MAGI1: variants seen among roughly 807,000 people sequenced by gnomAD.
MAGI1 encodes the protein membrane-associated guanylate kinase, WW and PDZ domain-containing protein 1.
MAGI1 carries 58 observed loss-of-function variants against 139.9 expected under a neutral mutation model. The observed-to-expected ratio is 0.41, with a 90% CI of 0.34 to 0.52. MAGI1 has a LOEUF of 0.52. MAGI1 is among the 20% of genes least tolerant of loss of function. MAGI1 has a pLI of 0.12. For missense variants in MAGI1, 1,874 were observed against 1,901.6 expected, an observed-to-expected ratio of 0.99 and a Z score of 0.27; for synonymous variants, 812 against 737.9, an observed-to-expected ratio of 1.10 and a Z score of -1.63.
intron 5 of MAGI1, among the ~76,000 whole-genome samples, chr3:65,459,713 A>G (rs552406479): frequency 6.6e-6 from 1 of 152,266 alleles, no homozygotes; most frequent in East Asian, 1.9e-4. Flanking sequence ...TCTTGAGCCC[A>G]GGAGTTGGAG....
Position 65,453,012 on chromosome 3 carries a change from TTC to T in MAGI1, c.1042+244_1042+245del, listed in dbSNP as rs1341525442. 15 of 455,928 alleles carry T rather than the reference TTC, an allele frequency of 3.3e-5. No homozygotes were observed. In the Admixed American group the frequency reaches 4.4e-4, roughly 13 times the overall value. The allele number at this position is 455,928 out of a possible 1,614,324, so 28.2% of individuals were successfully genotyped here. A position where few individuals can be genotyped will look rare whatever the true frequency, so the allele number is the denominator to read the frequency against. On this transcript the variant is annotated intron_variant, in intron 6 of 22. Coordinates refer to ENST00000402939, the MANE Select transcript of MAGI1 (RefSeq NM_001033057.2). ...GAGGACGTATCTTCATTTGAACAGT[TTC>T]TGACTGTTCTGCTTCTAATGGAGAT... is the stretch of plus-strand genomic sequence containing the variant.
chr3:65,686,347 A>C (rs1476899509), intron 1 of MAGI1, among the ~76,000 whole-genome samples: 3 of 152,090 alleles, frequency 2.0e-5, no homozygotes, highest in Non-Finnish European at 4.4e-5. Context: ...GCTGGAGTGC[A>C]GTGGCACGAT....
rs960028348 is a variant in MAGI1, at chr3:65,842,976, C to CA, written c.313+195019dup. Reference sequence around the variant, plus strand: ...GAAAACTGAAAAATGTCTCCCCTACCAAAAAATCTCTGTCCCTTCTTACAC... The same window carrying CA: ...GAAAACTGAAAAATGTCTCCCCTACCAAAAAAATCTCTGTCCCTTCTTACAC... On this transcript the variant is annotated intron_variant, in intron 1 of 22. Coordinates refer to ENST00000402939, the MANE Select transcript of MAGI1 (RefSeq NM_001033057.2). 4.4e-4 allele frequency among the ~76,000 whole-genome samples: 67 copies of CA among 152,200 alleles called. 1 individual carries two copies. The highest frequency in any genetic ancestry group is 1.5e-3 in the African/African-American group (62 of 41,522).
chr3:65,894,741 A>G (rs2060903199), intron 1 of MAGI1, among the ~76,000 whole-genome samples: 1 of 152,194 alleles, frequency 6.6e-6, no homozygotes. Context: ...TGAGCTACAA[A>G]CTCCATCTGA....
At chr3:65,699,667 A>G (rs2089459429) in intron 1 of MAGI1, among the ~76,000 whole-genome samples, 1 of 145,056 alleles carries the variant, frequency 6.9e-6, no homozygotes, top group Non-Finnish European at 1.5e-5. Context: ...CATAGGTGGG[A>G]ATTGAACAAT....
intron 10 of MAGI1, among the ~76,000 whole-genome samples, chr3:65,431,852 A>G (rs1947481827): frequency 6.6e-6 from 1 of 151,770 alleles, no homozygotes; most frequent in Admixed American, 6.6e-5. Flanking sequence ...AATTAGCCAG[A>G]TGAGGTGGTG....
chr3:65,398,670 G>A (rs940373196), intron 13 of MAGI1, among the ~76,000 whole-genome samples: 1 of 152,278 alleles, frequency 6.6e-6, no homozygotes, highest in Non-Finnish European at 1.5e-5. Context: ...TGAGTTTTCA[G>A]TCAGGATGAT....
intron 1 of MAGI1, among the ~76,000 whole-genome samples, chr3:66,000,053 A>G (rs1291626413): frequency 7.0e-6 from 1 of 143,862 alleles, no homozygotes; most frequent in Non-Finnish European, 1.5e-5. Flanking sequence ...GCTCATTGCA[A>G]GCTCCACCTC....
intron 1 of MAGI1, among the ~76,000 whole-genome samples, chr3:65,990,260 T>C (rs1268215509): frequency 6.6e-6 from 1 of 152,044 alleles, no homozygotes; most frequent in Non-Finnish European, 1.5e-5. Context: ...GTACTATAAA[T>C]ACCAGGCAGG....
At chr3:65,999,064 T>TA (rs1235105779) in intron 1 of MAGI1, among the ~76,000 whole-genome samples, 2 of 152,104 alleles carry the variant, frequency 1.3e-5, no homozygotes, top group Non-Finnish European at 2.9e-5. Flanking sequence ...AATCCCTTTT[T>TA]TAAAAAAAAA....
At chr3:65,579,431 C>T (rs1245230243) in intron 2 of MAGI1, among the ~76,000 whole-genome samples, 1 of 152,162 alleles carries the variant, frequency 6.6e-6, no homozygotes, top group Non-Finnish European at 1.5e-5. Flanking sequence ...CCAGATACAC[C>T]ACACTACACA....
intron 4 of MAGI1, among the ~76,000 whole-genome samples, chr3:65,472,404 C>G (rs1485640640): frequency 6.6e-6 from 1 of 152,118 alleles, no homozygotes; most frequent in Non-Finnish European, 1.5e-5. Context: ...AAAATGTACA[C>G]TTTTTAAGTA....
intron 1 of MAGI1, among the ~76,000 whole-genome samples, chr3:65,674,304 C>T (rs2087047850): frequency 6.6e-6 from 1 of 152,186 alleles, no homozygotes; most frequent in South Asian, 2.1e-4. Context: ...TCAGCCCTAT[C>T]AGCATGAGAC....
At chr3:65,480,585 C>CTTTTT (rs71102864) in intron 3 of MAGI1, among the ~76,000 whole-genome samples, 1 of 99,078 alleles carries the variant, frequency 1.0e-5, no homozygotes, top group African/African-American at 3.7e-5. Flanking sequence ...AATAAGGTTT[C>CTTTTT]TTTTTTTTTT....
intron 1 of MAGI1, among the ~76,000 whole-genome samples, chr3:65,836,959 G>C (rs2042845121): frequency 2.0e-5 from 3 of 152,116 alleles, no homozygotes; most frequent in South Asian, 4.2e-4. Context: ...AATATAAATG[G>C]GAGGTGTTAT....
At chr3:65,583,168 C>CA (rs2081516946) in intron 2 of MAGI1, among the ~76,000 whole-genome samples, 1 of 152,154 alleles carries the variant, frequency 6.6e-6, no homozygotes, top group Admixed American at 6.5e-5. Flanking sequence ...ATGGCCCCAA[C>CA]AGTCACATGT....
intron 2 of MAGI1, among the ~76,000 whole-genome samples, chr3:65,602,969 A>G (rs948998353): frequency 1.3e-5 from 2 of 152,160 alleles, no homozygotes. Flanking sequence ...ACAACTTTAT[A>G]CCAATTAATT....
chr3:66,038,106 TC>T lies in MAGI1; in HGVS notation c.202del (p.Glu68SerfsTer41). The T allele has an allele frequency of 6.2e-7, 1 of 1,612,654 alleles. No individual in the cohort carries two copies. On this transcript the variant is annotated frameshift_variant, in exon 1 of 23. Coordinates refer to ENST00000402939, the MANE Select transcript of MAGI1 (RefSeq NM_001033057.2). LOFTEE classifies it high-confidence loss of function. ...GACCCCCTGCACCTCCAGAAGCAGC[TC>T]CCCTTCGCCCAGCCTCGGGCCCTCG... is the stretch of plus-strand genomic sequence containing the variant. ...GGEGPRLGEG[E>X]LLLEVQGVRV...
chr3:65,627,644 A>G (rs933226656), intron 1 of MAGI1, among the ~76,000 whole-genome samples: 1 of 151,380 alleles, frequency 6.6e-6, no homozygotes, highest in Non-Finnish European at 1.5e-5. Flanking sequence ...AGCAGCTGGG[A>G]CTACAGGTGA....
Sources: gnomAD v4.1 joint callset for allele counts (sites outside exome capture counted in the v4.1 genomes callset) on GRCh38, gnomAD v4.1.1 for gene constraint, MANE v1.5 for transcripts, NCBI Gene and HGNC (gene_info 2026-07-23, HGNC 2026-07-21) for gene names.